FSCN2: variants seen among roughly 807,000 people sequenced by gnomAD.
FSCN2 encodes fascin actin-bundling protein 2, retinal, also known as fascin-2.
Under a neutral mutation model 37.8 loss-of-function variants are expected in FSCN2, and 46 were observed. That is an observed-to-expected ratio of 1.22 (90% CI 0.96 to 1.56). FSCN2 has a LOEUF of 1.56. Among genes scored for constraint, FSCN2 ranks in the 40% most tolerant of loss-of-function variants. The probability of loss-of-function intolerance (pLI) is 0.00; values close to 1 mark genes in which losing one functional copy is unlikely to be tolerated. For synonymous variants in FSCN2, 351 were observed against 309.4 expected (o/e 1.13, Z -1.41); for missense variants, 844 against 730.4 (o/e 1.16, Z -1.79).
rs1205258019 is a variant in FSCN2, at chr17:81,531,162, ATGATGGTGGTGATGGTGATGATGGTGG to A, written c.826+1823_826+1849del. On this transcript the variant is annotated intron_variant, in intron 1 of 4. Transcript: ENST00000417245. ...AGCAGCGACAATGATGGTGATGGTG[ATGATGGTGGTGATGGTGATGATGGTGG>A]TGATGGTGGTGATGGTGGTGATGGT... is the stretch of plus-strand genomic sequence containing the variant. Among the ~76,000 whole-genome samples, 139 of 112,816 alleles carry A rather than the reference ATGATGGTGGTGATGGTGATGATGGTGG, an allele frequency of 1.2e-3. 1 individual carries two copies. The highest frequency in any genetic ancestry group is 4.3e-3 in the African/African-American group (129 of 30,262). The allele number at this position is 112,816 out of a possible 152,430, so 74.0% of individuals were successfully genotyped here.
At position 81,528,905 on chromosome 17, in the gene FSCN2, T is replaced by G; in HGVS notation, c.374T>G (p.Val125Gly). The stretch of plus-strand genomic sequence containing the variant: ...CAGCTGTCCTGCTTCGCCACAGCCG[T>G]TTCCCCGGCCGAGCTGTGGACCGTG... ...EDQLSCFATA[V>G]SPAELWTVHL... The change falls in exon 1 of 5, where the codon GTT becomes GGT. Residue 125 changes from valine (V) to glycine (G), a missense_variant. Val to Gly is a moderately radical substitution (Grantham distance 109, BLOSUM62 -3). Transcript: ENST00000417245. 3.8e-6 allele frequency: 6 copies of G among 1,586,892 alleles called. No individual in the cohort carries two copies. The highest frequency in any genetic ancestry group is 5.1e-6 in the Non-Finnish European group (6 of 1,170,220).
chr17:81,530,538 G>A (rs950504707), intron 1 of FSCN2: 6 of 474,000 alleles, frequency 1.3e-5, no homozygotes, highest in Admixed American at 2.3e-5. Flanking sequence ...AAAAGGCGAG[G>A]TGGGGAGAGC....
the FSCN2 span, among the ~76,000 whole-genome samples, chr17:81,520,954 GTTT>G: frequency 6.6e-6 from 1 of 152,070 alleles, no homozygotes; most frequent in East Asian, 1.9e-4. Flanking sequence ...TAATATTCTA[GTTT>G]TTTTCTTCTG....
In FSCN2 at chr17:81,537,049, C is replaced by A; in HGVS notation, c.1448C>A (p.Ala483Asp). The change falls in exon 5 of 5, where the codon GCC becomes GAC. Residue 483 changes from alanine to aspartate, a missense_variant. Transcript: ENST00000417245. ...ASGLLRADAD[A>D]PAGTALWEY is the part of the protein sequence containing the mutation. ...GGCCTGCTGCGGGCCGATGCCGACG[C>A]CCCGGCCGGGACCGCGCTTTGGGAG... is the stretch of plus-strand genomic sequence containing the variant. 6.8e-7 allele frequency: 1 copy of A among 1,469,986 alleles called. No individual in the cohort carries two copies. The highest frequency in any genetic ancestry group is 8.9e-7 in the Non-Finnish European group (1 of 1,117,840). The allele number at this position is 1,469,986 out of a possible 1,614,324, so 91.1% of individuals were successfully genotyped here.
chr17:81,530,714 G>T (rs1555671141), intron 1 of FSCN2: 1 of 459,510 alleles, frequency 2.2e-6, no homozygotes. Flanking sequence ...CCAGATGGCA[G>T]AGGCCCCACC....
chr17:81,528,538 A>G lies in FSCN2; in HGVS notation c.7A>G (p.Thr3Ala). 1.3e-6 allele frequency: 2 copies of G among 1,593,152 alleles called. No individual in the cohort carries two copies. Among genetic ancestry groups the G allele is most frequent in the Non-Finnish European group, 1.7e-6 (2 of 1,169,508 alleles). The change falls in exon 1 of 5, where the codon ACG becomes GCG. Residue 3 changes from threonine (T) to alanine (A), a missense_variant. Physicochemically the swap from Thr to Ala is moderately conservative, Grantham distance 58 (BLOSUM62 0). Transcript: ENST00000417245. MP[T>A]NGLHQVLKIQ... Reference sequence around the variant, plus strand: ...GGACCCGGCCAGCCTGAAGATGCCGACGAACGGCCTGCACCAGGTGCTGAA... The same window carrying G: ...GGACCCGGCCAGCCTGAAGATGCCGGCGAACGGCCTGCACCAGGTGCTGAA...
At chr17:81,527,567 T>A (rs1598567258), upstream of FSCN2, 1 of 152,524 alleles carries the variant, frequency 6.6e-6, no homozygotes, top group African/African-American at 2.4e-5. Flanking sequence ...TCTCCCAGAT[T>A]CCAAGGGCCA....
At position 81,531,252 on chromosome 17, in the gene FSCN2, A is replaced by ATGATGG. The variant is rs1568076928; in HGVS notation, c.826+1897_826+1898insATGGTG. 5.5e-4 allele frequency among the ~76,000 whole-genome samples: 49 copies of ATGATGG among 89,386 alleles called. No homozygotes were observed. In the Middle Eastern group the frequency reaches 0.022, roughly 41 times the overall value. The allele number at this position is 89,386 out of a possible 152,430, so 58.6% of individuals were successfully genotyped here. A position where few individuals can be genotyped will look rare whatever the true frequency, so the allele number is the denominator to read the frequency against. ...AATGGTGATGGTGGTGATGATGGTG[A>ATGATGG]TGGTGATGATGGTGGTGATGGCGGT... On this transcript the variant is annotated intron_variant, in intron 1 of 4. Transcript: ENST00000417245.
intron 1 of FSCN2, among the ~76,000 whole-genome samples, chr17:81,532,092 A>ATGG (rs2032670781): frequency 8.8e-6 from 1 of 114,038 alleles, no homozygotes; most frequent in Non-Finnish European, 1.9e-5. Context: ...GGTGATGGTG[A>ATGG]TGATGGTGAT....
chr17:81,516,769 C>T, the FSCN2 span, among the ~76,000 whole-genome samples: 1 of 152,244 alleles, frequency 6.6e-6, no homozygotes, highest in Admixed American at 6.5e-5. Context: ...CCCCACCCCA[C>T]CCCTGCGGAG....
intron 1 of FSCN2, among the ~76,000 whole-genome samples, chr17:81,529,871 G>A (rs535300650): frequency 4.6e-5 from 7 of 152,366 alleles, no homozygotes; most frequent in Admixed American, 3.3e-4. Flanking sequence ...GCGCAGTGGC[G>A]TGATCTCGGC....
At chr17:81,536,838 A>G in intron 4 of FSCN2, 37 bp from the exon 5 acceptor site, 1 of 1,550,514 alleles carries the variant, frequency 6.4e-7, no homozygotes, top group Non-Finnish European at 8.7e-7. Flanking sequence ...GGCAGCGGGC[A>G]GGTGGGCACC....
intron 3 of FSCN2, 32 bp from the exon 4 acceptor site, chr17:81,536,590 A>AGG (rs776329970): frequency 3.7e-6 from 6 of 1,604,358 alleles, no homozygotes; most frequent in Non-Finnish European, 4.2e-6. Context: ...AGGTGGCGGG[A>AGG]GGGGCAGCGC....
At chr17:81,517,799 G>C in the FSCN2 span, among the ~76,000 whole-genome samples, 204 of 134,952 alleles carry the variant, frequency 1.5e-3, no homozygotes, top group Middle Eastern at 3.8e-3. Context: ...CTCCCCAGAG[G>C]CAGCGAGGCC....
chr17:81,524,999 G>A (rs1555669894), upstream of FSCN2, among the ~76,000 whole-genome samples: 2 of 152,000 alleles, frequency 1.3e-5, no homozygotes, highest in Non-Finnish European at 2.9e-5. Flanking sequence ...CCTGTGCTGG[G>A]GTCCCAGCTG....
At chr17:81,527,229 G>A (rs1163715719), upstream of FSCN2, 1 of 152,390 alleles carries the variant, frequency 6.6e-6, no homozygotes, top group Non-Finnish European at 1.5e-5. Flanking sequence ...TGGCCACTCA[G>A]GAGATGGGCC....
chr17:81,516,691 C>T, the FSCN2 span, among the ~76,000 whole-genome samples: 1 of 152,214 alleles, frequency 6.6e-6, no homozygotes, highest in African/African-American at 2.4e-5. Context: ...CTGGCTGGTG[C>T]CCAGCTTGGG....
At chr17:81,532,020 ATGATAG>A (rs2032662279) in intron 1 of FSCN2, among the ~76,000 whole-genome samples, 1 of 91,128 alleles carries the variant, frequency 1.1e-5, no homozygotes, top group African/African-American at 4.1e-5. Context: ...AGTGGTGGTG[ATGATAG>A]TGATGGTGAT....
intron 1 of FSCN2, among the ~76,000 whole-genome samples, chr17:81,531,810 A>ATGGTGGTGGTGGTGG (rs1231066155): frequency 1.2e-5 from 1 of 80,748 alleles, no homozygotes; most frequent in Non-Finnish European, 2.4e-5. Context: ...AATGGTGATG[A>ATGGTGGTGGTGGTGG]TGGTGGTGGT....
Sources: gnomAD v4.1 joint callset for allele counts (sites outside exome capture counted in the v4.1 genomes callset) on GRCh38, gnomAD v4.1.1 for gene constraint, MANE v1.5 for transcripts, NCBI Gene and HGNC (gene_info 2026-07-23, HGNC 2026-07-21) for gene names.